C2CD3: variants seen among roughly 807,000 people sequenced by gnomAD.
C2CD3 encodes the protein C2 domain containing 3 centriole elongation regulator, also known as C2 domain-containing protein 3.
C2CD3 carries 148 observed loss-of-function variants against 234.0 expected under a neutral mutation model. The observed-to-expected ratio is 0.63, with a 90% CI of 0.55 to 0.72. The LOEUF is 0.72. Among genes scored for constraint, C2CD3 ranks in the 30% least tolerant of loss-of-function variants. The probability of loss-of-function intolerance (pLI) is 0.00; values close to 1 mark genes in which losing one functional copy is unlikely to be tolerated. For synonymous variants in C2CD3, 1,000 were observed against 1,035.4 expected (o/e 0.97, Z 0.66); for missense variants, 2,577 against 2,811.5 (o/e 0.92, Z 1.89).
intron 9 of C2CD3, among the ~76,000 whole-genome samples, chr11:74,115,863 A>T (rs1192967366): frequency 2.6e-5 from 4 of 152,226 alleles, no homozygotes; most frequent in Non-Finnish European, 5.9e-5. Context: ...AAACAAAAAC[A>T]TAAAGTGGTG....
intron 8 of C2CD3, among the ~76,000 whole-genome samples, chr11:74,119,591 A>G (rs1376900608): frequency 6.6e-6 from 1 of 151,824 alleles, no homozygotes; most frequent in Non-Finnish European, 1.5e-5. Context: ...GGACAAATTA[A>G]TTTAAATAAG....
At chr11:74,165,679 G>A (rs962009638) in intron 2 of C2CD3, among the ~76,000 whole-genome samples, 4 of 151,824 alleles carry the variant, frequency 2.6e-5, no homozygotes, top group African/African-American at 9.7e-5. Context: ...TTAGAAACAG[G>A]GTCTCACTCT....
chr11:74,013,324 G>C lies in C2CD3; in HGVS notation c.*61C>G. 3.7e-6 allele frequency: 2 copies of C among 535,496 alleles called. No homozygotes were observed. The highest frequency in any genetic ancestry group is 6.2e-6 in the Non-Finnish European group (2 of 324,186). The allele number at this position is 535,496 out of a possible 1,614,324, so 33.2% of individuals were successfully genotyped here. A position where few individuals can be genotyped will look rare whatever the true frequency, so the allele number is the denominator to read the frequency against. ...GAGCCAGACCTGGTGCCTCCTGCAAGCTGGACAAAGCTGACGGAGGGTGGG... is the reference window on the plus strand; with the variant it reads ...GAGCCAGACCTGGTGCCTCCTGCAACCTGGACAAAGCTGACGGAGGGTGGG... On this transcript the variant is annotated 3_prime_UTR_variant, in exon 33 of 33. Transcript: ENST00000334126.
chr11:74,148,040 A>T (rs1163003761), intron 3 of C2CD3, among the ~76,000 whole-genome samples: 1 of 147,082 alleles, frequency 6.8e-6, no homozygotes, highest in Non-Finnish European at 1.5e-5. Flanking sequence ...AAATGTCTTA[A>T]ATTTTACAAA....
chr11:74,081,349 C>T (rs1037980354), intron 22 of C2CD3, among the ~76,000 whole-genome samples: 8 of 152,046 alleles, frequency 5.3e-5, no homozygotes, highest in Non-Finnish European at 1.0e-4. Flanking sequence ...GGGCATTTAT[C>T]CCATGTCCTT....
intron 24 of C2CD3, among the ~76,000 whole-genome samples, chr11:74,067,535 C>CA (rs58963715): frequency 0.14 from 21,795 of 151,978 alleles, 4,447 homozygotes; most frequent in African/African-American, 0.46. Flanking sequence ...GTAGGAGTTA[C>CA]AGCATATTTT....
chr11:74,029,831 C>G (rs1406317023), intron 31 of C2CD3, among the ~76,000 whole-genome samples: 1 of 152,258 alleles, frequency 6.6e-6, no homozygotes, highest in Non-Finnish European at 1.5e-5. Flanking sequence ...TCATGGCACA[C>G]TGCAGCCTTG....
intron 12 of C2CD3, among the ~76,000 whole-genome samples, chr11:74,107,624 A>G (rs1254201481): frequency 1.3e-5 from 2 of 152,198 alleles, no homozygotes; most frequent in Non-Finnish European, 2.9e-5. Context: ...TTAAATAGAT[A>G]TTTTTGAAGA....
chr11:74,034,324 AC>A, intron 30 of C2CD3, 46 bp from the exon 31 acceptor site: 2 of 1,497,848 alleles, frequency 1.3e-6, no homozygotes, highest in South Asian at 2.6e-5. Context: ...AGGGCCACAG[AC>A]CCCTCAAATT....
intron 29 of C2CD3, among the ~76,000 whole-genome samples, chr11:74,040,610 G>C (rs113697365): frequency 6.6e-5 from 10 of 152,022 alleles, no homozygotes; most frequent in African/African-American, 2.4e-4. Context: ...CAAAAAACTA[G>C]CTGGGTGTGG....
chr11:74,100,377 G>A, intron 15 of C2CD3, 148 bp downstream of exon 15: 1 of 719,578 alleles, frequency 1.4e-6, no homozygotes, highest in Non-Finnish European at 2.3e-6. Context: ...CTTTAGAATA[G>A]GAGAAAGAGC....
At chr11:74,041,860 A>G (rs1953077629) in intron 29 of C2CD3, among the ~76,000 whole-genome samples, 194 bp downstream of exon 29, 1 of 152,214 alleles carries the variant, frequency 6.6e-6, no homozygotes, top group Non-Finnish European at 1.5e-5. Context: ...GAAGGTCCCA[A>G]GCTGATACAG....
chr11:74,044,519 C>A (rs1953260523), intron 28 of C2CD3, among the ~76,000 whole-genome samples: 1 of 150,068 alleles, frequency 6.7e-6, no homozygotes, highest in East Asian at 1.9e-4. Flanking sequence ...TTTTCACTTT[C>A]TTGATGGTAT....
intron 18 of C2CD3, among the ~76,000 whole-genome samples, 180 bp downstream of exon 18, chr11:74,093,636 T>C (rs1955985042): frequency 6.6e-6 from 1 of 152,196 alleles, no homozygotes; most frequent in Non-Finnish European, 1.5e-5. Context: ...CATAAGATCC[T>C]AATAACAGAC....
chr11:74,085,478 G>T, intron 21 of C2CD3, 140 bp downstream of exon 21: 12 of 790,244 alleles, frequency 1.5e-5, no homozygotes, highest in Admixed American at 8.6e-5. Context: ...CTTATTTTTT[G>T]CTATATCTTT....
At chr11:74,099,189 C>T (rs1474521247) in intron 15 of C2CD3, among the ~76,000 whole-genome samples, 3 of 152,180 alleles carry the variant, frequency 2.0e-5, no homozygotes, top group Non-Finnish European at 2.9e-5. Context: ...GTGGCATCCA[C>T]GATTCCAGCA....
chr11:74,075,556 A>G (rs1954999129), intron 23 of C2CD3, among the ~76,000 whole-genome samples: 1 of 152,218 alleles, frequency 6.6e-6, no homozygotes, highest in African/African-American at 2.4e-5. Flanking sequence ...GAATATTAAA[A>G]TGAGATTTAT....
intron 3 of C2CD3, among the ~76,000 whole-genome samples, chr11:74,159,654 A>G (rs1856308671): frequency 7.3e-6 from 1 of 136,958 alleles, no homozygotes; most frequent in African/African-American, 3.1e-5. Context: ...AAAGTCAAAA[A>G]GTTAAAAAAA....
intron 32 of C2CD3, among the ~76,000 whole-genome samples, chr11:74,019,405 C>G (rs1041173104): frequency 6.6e-6 from 1 of 152,230 alleles, no homozygotes; most frequent in Admixed American, 6.5e-5. Context: ...TGGCCTTTAT[C>G]AGAGATACTT....
Sources: gnomAD v4.1 joint callset for allele counts (sites outside exome capture counted in the v4.1 genomes callset) on GRCh38, gnomAD v4.1.1 for gene constraint, MANE v1.5 for transcripts, NCBI Gene and HGNC (gene_info 2026-07-23, HGNC 2026-07-21) for gene names.